Variants in DIP2B observed in about 807,000 individuals in gnomAD.
DIP2B encodes disco-interacting protein 2 homolog B.
A neutral mutation model predicts 198.0 loss-of-function variants in DIP2B; 76 were observed. The ratio of observed to expected loss-of-function variants is 0.38; its 90% CI spans 0.32 to 0.46. The LOEUF is 0.46. Among genes scored for constraint, DIP2B ranks in the 20% least tolerant of loss-of-function variants. The pLI, the probability that DIP2B is intolerant of heterozygous loss-of-function variation, is 0.99. For synonymous variants in DIP2B, 701 were observed against 739.1 expected, an observed-to-expected ratio of 0.95 and a Z score of 0.84; for missense variants, 1,559 against 1,978.4, an observed-to-expected ratio of 0.79 and a Z score of 4.02.
At chr12:50,668,550 A>G (rs139572256) in intron 4 of DIP2B, among the ~76,000 whole-genome samples, 50 of 152,352 alleles carry the variant, frequency 3.3e-4, no homozygotes, top group African/African-American at 1.2e-3. Context: ...ATATAGAAAC[A>G]TAATGAAACC....
intron 16 of DIP2B, among the ~76,000 whole-genome samples, chr12:50,696,599 G>GT (rs1202035121): frequency 6.6e-6 from 1 of 152,150 alleles, no homozygotes; most frequent in Non-Finnish European, 1.5e-5. Context: ...GCACTACACT[G>GT]TTTGTCATAA....
At chr12:50,702,139 G>C (rs1432375635) in intron 19 of DIP2B, among the ~76,000 whole-genome samples, 1 of 151,922 alleles carries the variant, frequency 6.6e-6, no homozygotes, top group African/African-American at 2.4e-5. Context: ...CACGAGGTCA[G>C]GAGATCGAGA....
At chr12:50,722,688 G>T (rs1565882351) in intron 26 of DIP2B, among the ~76,000 whole-genome samples, 1 of 152,178 alleles carries the variant, frequency 6.6e-6, no homozygotes, top group Admixed American at 6.5e-5. Flanking sequence ...GAGGCCACGG[G>T]GAAGGACCTG....
chr12:50,739,522 A>C lies in DIP2B; in HGVS notation c.4290A>C (p.Thr1430=). The part of the protein sequence containing the change: ...TRLSFGDAAQ[T]LWARTGYLGF... ...TCAGCTTTGGAGATGCAGCTCAGAC[A>C]CTCTGGGCTCGGACAGGATACCTTG... Residue 1430 remains threonine, a synonymous_variant, in exon 36 of 38, where the codon ACA becomes ACC. Coordinates refer to ENST00000301180, the MANE Select transcript of DIP2B (RefSeq NM_173602.3). 1 of 1,614,006 alleles carries C rather than the reference A, an allele frequency of 6.2e-7. No individual in the cohort carries two copies. Among genetic ancestry groups the C allele is most frequent in the South Asian group, 1.1e-5 (1 of 91,074 alleles).
rs760280632 is a variant in DIP2B, at chr12:50,718,976, C to T, written c.2983C>T (p.Leu995=). 6.2e-7 allele frequency: 1 copy of T among 1,614,178 alleles called. No homozygotes were observed. Among genetic ancestry groups the T allele is most frequent in the Non-Finnish European group, 8.5e-7 (1 of 1,180,030 alleles). The change falls in exon 25 of 38, where the codon CTA becomes TTA. Residue 995 remains leucine, a synonymous_variant. Coordinates refer to ENST00000301180, the MANE Select transcript of DIP2B (RefSeq NM_173602.3). Reference sequence around the variant, plus strand: ...TCAGCACCAGTTTCTGGCAGAGATCCTACAGTGGCGAGCCCAGGCGACTCC... The same window carrying T: ...TCAGCACCAGTTTCTGGCAGAGATCTTACAGTGGCGAGCCCAGGCGACTCC... ...VRKHQFLAEI[L]QWRAQATPDH... is the part of the protein sequence containing the mutation.
At chr12:50,578,903 C>T (rs138627966) in intron 1 of DIP2B, among the ~76,000 whole-genome samples, 31 of 152,282 alleles carry the variant, frequency 2.0e-4, no homozygotes, top group Admixed American at 1.4e-3. Flanking sequence ...CACAACAATG[C>T]ATCTCAAACT....
intron 2 of DIP2B, among the ~76,000 whole-genome samples, chr12:50,631,441 GGT>G (rs1331411461): frequency 2.0e-5 from 3 of 151,992 alleles, no homozygotes; most frequent in Admixed American, 6.6e-5. Context: ...TGGCCAGGAT[GGT>G]CTCGATCTCT....
At chr12:50,577,727 A>G (rs544722246) in intron 1 of DIP2B, among the ~76,000 whole-genome samples, 1 of 151,986 alleles carries the variant, frequency 6.6e-6, no homozygotes, top group South Asian at 2.1e-4. Context: ...GATTCTTATA[A>G]ATGTCTTTTC....
intron 4 of DIP2B, among the ~76,000 whole-genome samples, chr12:50,662,941 C>T (rs1309027407): frequency 6.6e-6 from 1 of 151,726 alleles, no homozygotes; most frequent in Non-Finnish European, 1.5e-5. Flanking sequence ...AAACCCCGTC[C>T]CGGCTAAAAA....
intron 1 of DIP2B, among the ~76,000 whole-genome samples, chr12:50,526,625 C>CTTTT: frequency 1.0e-5 from 1 of 97,592 alleles, no homozygotes; most frequent in Non-Finnish European, 1.9e-5. Context: ...TTTTCCTCTG[C>CTTTT]CTTTTTTTTT....
At position 50,732,361 on chromosome 12, in the gene DIP2B, T is replaced by C; in HGVS notation, c.3811-5T>C. 6.2e-7 allele frequency: 1 copy of C among 1,614,190 alleles called. No individual in the cohort carries two copies. The highest frequency in any genetic ancestry group is 8.5e-7 in the Non-Finnish European group (1 of 1,180,000). On this transcript the variant is annotated splice_region_variant and splice_polypyrimidine_tract_variant and intron_variant, in intron 31 of 37. Transcript: ENST00000301180. ...ACTTGGCTCCCATATAATGGTGTCT[T>C]GCAGACCAGAGGGATCAACCTCTCC...
intron 3 of DIP2B, 58 bp from the exon 4 acceptor site, chr12:50,660,136 C>T (rs1938620337): frequency 1.4e-5 from 20 of 1,442,322 alleles, no homozygotes; most frequent in Non-Finnish European, 1.8e-5. Context: ...GTTCAGCTCA[C>T]AGTGGTAAAC....
intron 1 of DIP2B, among the ~76,000 whole-genome samples, chr12:50,506,182 C>T (rs1430426438): frequency 1.3e-5 from 2 of 152,158 alleles, no homozygotes; most frequent in African/African-American, 4.8e-5. Context: ...GTTTTTATCA[C>T]TGGCTGCCCC....
chr12:50,598,286 G>A (rs1378307160), intron 1 of DIP2B, among the ~76,000 whole-genome samples: 1 of 152,006 alleles, frequency 6.6e-6, no homozygotes, highest in East Asian at 1.9e-4. Context: ...CACAAGATGT[G>A]GCCTTCTTGA....
intron 32 of DIP2B, 126 bp downstream of exon 32, chr12:50,732,662 G>T (rs1375158770): frequency 5.8e-6 from 7 of 1,206,920 alleles, no homozygotes; most frequent in Non-Finnish European, 6.9e-6. Context: ...TTGGAACTTC[G>T]GGCTTTTAAA....
intron 8 of DIP2B, 68 bp downstream of exon 8, chr12:50,678,944 A>G (rs750836632): frequency 3.9e-5 from 60 of 1,549,304 alleles, no homozygotes; most frequent in Non-Finnish European, 4.8e-5. Context: ...TAGTGTTTTT[A>G]TCTAGATACT....
intron 1 of DIP2B, among the ~76,000 whole-genome samples, chr12:50,562,714 G>A (rs1958529960): frequency 6.6e-6 from 1 of 151,302 alleles, no homozygotes; most frequent in Admixed American, 6.6e-5. Flanking sequence ...TCCAGACTGG[G>A]TGACAGAGTG....
At chr12:50,703,242 A>ATT (rs946479911) in intron 19 of DIP2B, among the ~76,000 whole-genome samples, 12 of 148,862 alleles carry the variant, frequency 8.1e-5, no homozygotes, top group African/African-American at 2.2e-4. Context: ...AAAAAAAAAG[A>ATT]TTTTTTTTTT....
chr12:50,696,070 CATTTAA>C, intron 16 of DIP2B, 103 bp downstream of exon 16: 2 of 1,504,802 alleles, frequency 1.3e-6, no homozygotes, highest in Non-Finnish European at 1.8e-6. Flanking sequence ...AAAACTCACT[CATTTAA>C]GATGTGTAAT....
Sources: allele counts gnomAD v4.1 joint callset (sites outside exome capture counted in the v4.1 genomes callset), GRCh38; gene constraint gnomAD v4.1.1; transcripts MANE v1.5; gene names NCBI Gene and HGNC (gene_info 2026-07-23, HGNC 2026-07-21).